SPOCK3: variants seen among roughly 807,000 people sequenced by gnomAD.
SPOCK3 encodes SPARC (osteonectin), cwcv and kazal like domains proteoglycan 3, also known as testican-3.
SPOCK3 carries 30 observed loss-of-function variants against 56.6 expected under a neutral mutation model. The observed-to-expected ratio is 0.53, with a 90% CI of 0.40 to 0.72. The LOEUF (loss-of-function observed/expected upper bound fraction) is 0.72. Ranked by LOEUF, SPOCK3 falls within the 30% of genes least tolerant of loss-of-function variation. The pLI is 0.00. For synonymous variants in SPOCK3, 196 were observed against 183.3 expected (o/e 1.07, Z -0.56); for missense variants, 527 against 530.0 (o/e 0.99, Z 0.06).
At position 166,792,245 on chromosome 4, in the gene SPOCK3, C is replaced by T. The variant is rs752221849; in HGVS notation, c.634G>A (p.Asp212Asn). The T allele has an allele frequency of 6.2e-7, 1 of 1,613,814 alleles. No individual in the cohort carries two copies. The highest frequency in any genetic ancestry group is 1.7e-5 in the Admixed American group (1 of 59,996). The change falls in exon 7 of 11, where the codon GAC becomes AAC. Residue 212 changes from aspartate to asparagine, a missense_variant. Asp to Asn is a conservative substitution (Grantham distance 23, BLOSUM62 1). Coordinates refer to ENST00000357545, the MANE Select transcript of SPOCK3 (RefSeq NM_001040159.2). ...CTTTCATGAAGGGCCTTGAACCAGT[C>T]CCGCAATCTGTTTGCCACTTCCCTG... ...EFREVANRLR[D>N]WFKALHESGS... is the part of the protein sequence containing the mutation.
At chr4:167,165,615 A>G (rs2220190) in intron 2 of SPOCK3, among the ~76,000 whole-genome samples, 12,485 of 152,156 alleles carry the variant, frequency 0.082, 919 homozygotes, top group African/African-American at 0.19. Flanking sequence ...ATTTGGTTCA[A>G]TTCCTAGAAA....
At chr4:167,207,997 T>C (rs1250193262) in intron 2 of SPOCK3, among the ~76,000 whole-genome samples, 1 of 152,198 alleles carries the variant, frequency 6.6e-6, no homozygotes, top group Non-Finnish European at 1.5e-5. Context: ...AATGGCCTTC[T>C]GAGCTTCTCA....
chr4:166,738,451 C>A (rs1375256388), intron 9 of SPOCK3, among the ~76,000 whole-genome samples: 2 of 150,596 alleles, frequency 1.3e-5, no homozygotes, highest in Non-Finnish European at 3.0e-5. Flanking sequence ...TTTAATTTTA[C>A]TCTATGGTTT....
chr4:166,964,678 TCTA>T (rs1302142800), intron 4 of SPOCK3, among the ~76,000 whole-genome samples: 1 of 151,536 alleles, frequency 6.6e-6, no homozygotes, highest in Non-Finnish European at 1.5e-5. Flanking sequence ...GGCACGCAAA[TCTA>T]CTAGGCTTGC....
At chr4:167,007,757 C>A (rs1749601168) in intron 3 of SPOCK3, among the ~76,000 whole-genome samples, 1 of 152,080 alleles carries the variant, frequency 6.6e-6, no homozygotes, top group African/African-American at 2.4e-5. Flanking sequence ...GACAAGCCTG[C>A]CTGTGTTCAA....
chr4:166,834,475 C>G (rs1746405758), intron 6 of SPOCK3, among the ~76,000 whole-genome samples: 1 of 152,148 alleles, frequency 6.6e-6, no homozygotes, highest in Non-Finnish European at 1.5e-5. Context: ...TTTAGAGTAC[C>G]AGGCTTTTTC....
At chr4:167,217,083 C>T (rs1384998300) in intron 2 of SPOCK3, among the ~76,000 whole-genome samples, 9 of 151,852 alleles carry the variant, frequency 5.9e-5, no homozygotes, top group South Asian at 2.1e-4. Context: ...TTGTTAAACA[C>T]GGTGAAAAAA....
In SPOCK3 at chr4:166,983,379, C is replaced by A. The variant is rs1449715112; in HGVS notation, c.350+16970G>T. Among the ~76,000 whole-genome samples the A allele has an allele frequency of 2.0e-5, 3 of 152,076 alleles. 1 individual carries two copies. The South Asian group carries it at 6.2e-4, about 31-fold the overall frequency. On this transcript the variant is annotated intron_variant, in intron 4 of 10. Coordinates refer to ENST00000357545, the MANE Select transcript of SPOCK3 (RefSeq NM_001040159.2). ...TTAATAGTCACAGTTCTATTCTCTTCTTCTATGACCTCAACTTTGTTAGCT... is the reference window on the plus strand; with the variant it reads ...TTAATAGTCACAGTTCTATTCTCTTATTCTATGACCTCAACTTTGTTAGCT...
At chr4:166,946,059 G>A (rs1199619563) in intron 4 of SPOCK3, among the ~76,000 whole-genome samples, 1 of 152,068 alleles carries the variant, frequency 6.6e-6, no homozygotes, top group East Asian at 1.9e-4. Context: ...ATTATTTATT[G>A]GTTAGGACCA....
chr4:167,116,595 T>C (rs13109837), intron 2 of SPOCK3, among the ~76,000 whole-genome samples: 1 of 138,052 alleles, frequency 7.2e-6, no homozygotes, highest in Admixed American at 7.5e-5. Flanking sequence ...TGTATATATA[T>C]ACATATATAC....
intron 8 of SPOCK3, among the ~76,000 whole-genome samples, chr4:166,751,554 G>A (rs898453803): frequency 3.9e-5 from 6 of 152,088 alleles, no homozygotes. Context: ...ATTTCATAAT[G>A]TGAAGTTATT....
intron 2 of SPOCK3, among the ~76,000 whole-genome samples, chr4:167,213,726 A>C (rs1363559101): frequency 6.7e-6 from 1 of 149,544 alleles, no homozygotes; most frequent in African/African-American, 2.5e-5. Context: ...AATACATTCA[A>C]CTACCTTGCA....
intron 2 of SPOCK3, among the ~76,000 whole-genome samples, chr4:167,177,479 G>A (rs1731087274): frequency 6.6e-6 from 1 of 152,054 alleles, no homozygotes; most frequent in Non-Finnish European, 1.5e-5. Flanking sequence ...AGTGAGGGAT[G>A]TACGTGGAGA....
intron 6 of SPOCK3, among the ~76,000 whole-genome samples, chr4:166,841,849 T>C (rs1747393257): frequency 6.6e-6 from 1 of 152,192 alleles, no homozygotes. Context: ...ATCGTTGGGT[T>C]CTTGGTTGCA....
intron 2 of SPOCK3, among the ~76,000 whole-genome samples, chr4:167,171,921 A>T (rs1730536907): frequency 6.6e-6 from 1 of 151,904 alleles, no homozygotes; most frequent in Non-Finnish European, 1.5e-5. Context: ...CTCCCCCCAT[A>T]ATGAAAAAAG....
At chr4:167,031,867 A>G (rs975868631) in intron 3 of SPOCK3, among the ~76,000 whole-genome samples, 7 of 152,026 alleles carry the variant, frequency 4.6e-5, no homozygotes, top group Non-Finnish European at 8.8e-5. Flanking sequence ...CTGCCATTCA[A>G]ATTCAGTTCT....
At chr4:167,188,335 A>G (rs1205009400) in intron 2 of SPOCK3, among the ~76,000 whole-genome samples, 1 of 146,170 alleles carries the variant, frequency 6.8e-6, no homozygotes, top group Non-Finnish European at 1.5e-5. Context: ...CATTCTATAA[A>G]AAATTACAGA....
intron 4 of SPOCK3, among the ~76,000 whole-genome samples, chr4:166,943,839 A>T (rs28424017): frequency 0.012 from 1,760 of 152,278 alleles, 35 homozygotes; most frequent in African/African-American, 0.04. Context: ...TAAATATATG[A>T]AATTTTATGT....
intron 2 of SPOCK3, among the ~76,000 whole-genome samples, chr4:167,185,556 G>A (rs888845773): frequency 6.6e-6 from 1 of 151,990 alleles, no homozygotes; most frequent in Non-Finnish European, 1.5e-5. Context: ...ATGGCCATAA[G>A]TCAAGTTTCC....
Sources: allele counts gnomAD v4.1 joint callset (sites outside exome capture counted in the v4.1 genomes callset), GRCh38; gene constraint gnomAD v4.1.1; transcripts MANE v1.5; gene names NCBI Gene and HGNC (gene_info 2026-07-23, HGNC 2026-07-21).